The following ZBTB40 variants were observed in gnomAD, a reference collection of about 807,000 sequenced individuals.
The protein encoded by ZBTB40 is zinc finger and BTB domain containing 40.
Under a neutral mutation model 117.5 loss-of-function variants are expected in ZBTB40, and 60 were observed. The observed-to-expected ratio is 0.51, with a 90% CI of 0.41 to 0.63. The LOEUF is 0.63. ZBTB40 is among the 30% of genes least tolerant of loss of function. The pLI, the probability that ZBTB40 is intolerant of heterozygous loss-of-function variation, is 0.00. For missense variants in ZBTB40, 1,287 were observed against 1,498.5 expected (o/e 0.86, Z 2.33); for synonymous variants, 525 against 577.1 (o/e 0.91, Z 1.29).
Position 22,477,660 on chromosome 1 carries a change from AAAAG to A in ZBTB40, c.-69-12216_-69-12213del, listed in dbSNP as rs1363338768. ...CGAGACTCTGTCTCAAAAAAAAAAAAAAAGAAAAGAAAAGAAAGAAAGCTAATTA... is the reference window on the plus strand; with the variant it reads ...CGAGACTCTGTCTCAAAAAAAAAAAAAAAAGAAAAGAAAGAAAGCTAATTA... On this transcript the variant is annotated intron_variant, in intron 1 of 17. Coordinates refer to ENST00000375647, the MANE Select transcript of ZBTB40 (RefSeq NM_014870.4). 3.0e-4 allele frequency among the ~76,000 whole-genome samples: 46 copies of A among 151,986 alleles called. 1 individual carries two copies. Among genetic ancestry groups the A allele is most frequent in the East Asian group, 2.7e-3 (14 of 5,174 alleles).
Position 22,490,383 on chromosome 1 carries a change from A to T in ZBTB40, c.435A>T (p.Gln145His). ...TCAGAAAGGAACCAGAGAAGCCTCAAGTAGAAATCCTTTCATCTGAAGGTG... is the reference window on the plus strand; with the variant it reads ...TCAGAAAGGAACCAGAGAAGCCTCATGTAGAAATCCTTTCATCTGAAGGTG... ...ETFRKEPEKP[Q>H]VEILSSEGAG... Residue 145 changes from glutamine to histidine, a missense_variant, in exon 2 of 18, where the codon CAA becomes CAT. This residue lies in a region of ZBTB40 where 870 missense variants were observed against 934.4 expected (regional missense o/e 0.93). Transcript: ENST00000375647. 1 of 1,613,884 alleles carries T rather than the reference A, an allele frequency of 6.2e-7. No individual in the cohort carries two copies. The highest frequency in any genetic ancestry group is 8.5e-7 in the Non-Finnish European group (1 of 1,179,824).
At chr1:22,462,822 A>C (rs1006670943) in intron 1 of ZBTB40, among the ~76,000 whole-genome samples, 1 of 152,230 alleles carries the variant, frequency 6.6e-6, no homozygotes, top group African/African-American at 2.4e-5. Context: ...GTCCAGCTGT[A>C]TGAAATGAGC....
intron 1 of ZBTB40, among the ~76,000 whole-genome samples, chr1:22,437,581 G>T (rs1433519767): frequency 6.6e-6 from 1 of 151,474 alleles, no homozygotes; most frequent in Non-Finnish European, 1.5e-5. Flanking sequence ...CACTACACCC[G>T]GCTAATTTTT....
At chr1:22,443,055 C>CT (rs1349548499) in intron 1 of ZBTB40, among the ~76,000 whole-genome samples, 1 of 152,164 alleles carries the variant, frequency 6.6e-6, no homozygotes, top group African/African-American at 2.4e-5. Context: ...TCTCCTGATG[C>CT]TTCCAACAGG....
At chr1:22,477,014 C>T (rs562418215) in intron 1 of ZBTB40, among the ~76,000 whole-genome samples, 2 of 152,120 alleles carry the variant, frequency 1.3e-5, no homozygotes, top group African/African-American at 2.4e-5. Flanking sequence ...GAAAGTTAGG[C>T]AGAAACAGTA....
intron 1 of ZBTB40, among the ~76,000 whole-genome samples, chr1:22,429,804 CCAA>C (rs1372968846): frequency 2.0e-5 from 3 of 152,226 alleles, no homozygotes; most frequent in Admixed American, 2.0e-4. Context: ...ACCAGTCTGA[CCAA>C]CATGGTGAAG....
chr1:22,489,638 CGTT>C lies in ZBTB40; in HGVS notation c.-69-239_-69-237del, dbSNP rs200837965. Among the ~76,000 whole-genome samples, 1,023 of 152,220 alleles carry C rather than the reference CGTT, an allele frequency of 6.7e-3. 5 individuals carry two copies. Among genetic ancestry groups the C allele is most frequent in the Admixed American group, 0.011 (164 of 15,294 alleles). ...GGAAATAATATCTTTTCCACTGAAT[CGTT>C]GTGAGAATCAAATGAGACCGTCCAT... On this transcript the variant is annotated intron_variant, in intron 1 of 17. Transcript: ENST00000375647.
intron 1 of ZBTB40, among the ~76,000 whole-genome samples, chr1:22,437,568 C>T (rs1238330373): frequency 1.3e-5 from 2 of 151,746 alleles, no homozygotes; most frequent in African/African-American, 4.8e-5. Flanking sequence ...TACAGGCACG[C>T]ACCACTACAC....
chr1:22,480,385 C>G (rs1409571356), intron 1 of ZBTB40, among the ~76,000 whole-genome samples: 1 of 152,098 alleles, frequency 6.6e-6, no homozygotes, highest in South Asian at 2.1e-4. Flanking sequence ...GAAGTCTTTG[C>G]CTTCTGTTTC....
At chr1:22,519,347 G>T (rs899852784) in intron 13 of ZBTB40, among the ~76,000 whole-genome samples, 1 of 152,226 alleles carries the variant, frequency 6.6e-6, no homozygotes, top group African/African-American at 2.4e-5. Context: ...AATCAAGCAT[G>T]TAGCTCTCAG....
intron 2 of ZBTB40, 133 bp downstream of exon 2, chr1:22,490,778 C>G: frequency 1.0e-6 from 1 of 977,352 alleles, no homozygotes; most frequent in Non-Finnish European, 1.5e-6. Context: ...CGTACTGGGC[C>G]ATTCTTTTAA....
chr1:22,476,628 T>C (rs1641554740), intron 1 of ZBTB40, among the ~76,000 whole-genome samples: 2 of 152,262 alleles, frequency 1.3e-5, no homozygotes, highest in African/African-American at 4.8e-5. Flanking sequence ...TTGTGTTGAA[T>C]TCCCATTTGT....
rs747775517 is a variant in ZBTB40, at chr1:22,513,167, T to G, written c.2668+37T>G. 6.2e-7 allele frequency: 1 copy of G among 1,601,550 alleles called. No individual in the cohort carries two copies. Among genetic ancestry groups the G allele is most frequent in the Admixed American group, 1.7e-5 (1 of 58,220 alleles). On this transcript the variant is annotated intron_variant, in intron 12 of 17. Transcript: ENST00000375647. This position sits in a 1 kb window ranked among gnomAD's most constrained non-coding sequence, Gnocchi z 4.9. ...CACAGTTCATTTCTCCTGCAGACTT[T>G]CACTGCGAACTGCCTAAACCCCATT...
Position 22,491,468 on chromosome 1 carries a change from A to G in ZBTB40, c.766A>G (p.Met256Val), listed in dbSNP as rs151330286. 2.2e-5 allele frequency: 35 copies of G among 1,614,046 alleles called. No individual in the cohort carries two copies. In the African/African-American group the frequency reaches 4.0e-4, roughly 18 times the overall value. Residue 256 changes from methionine (M) to valine (V), a missense_variant, in exon 3 of 18, where the codon ATG becomes GTG. Coordinates refer to ENST00000375647, the MANE Select transcript of ZBTB40 (RefSeq NM_014870.4). Reference sequence around the variant, plus strand: ...TGAAGGTGTCTTCTCAGATGCACTCATGGTTACCCAGGATGTTTTAAAAAA... The same window carrying G: ...TGAAGGTGTCTTCTCAGATGCACTCGTGGTTACCCAGGATGTTTTAAAAAA... ...ENEGVFSDALMVTQDVLKKLE... is the reference protein window; with the variant it reads ...ENEGVFSDALVVTQDVLKKLE...
intron 1 of ZBTB40, among the ~76,000 whole-genome samples, chr1:22,477,418 A>G (rs1250616941): frequency 6.6e-6 from 1 of 152,186 alleles, no homozygotes; most frequent in African/African-American, 2.4e-5. Context: ...TGGGAGGCCA[A>G]GGTGGGCAGA....
intron 10 of ZBTB40, 89 bp from the exon 11 acceptor site, chr1:22,511,587 T>C: frequency 1.4e-6 from 2 of 1,418,230 alleles, no homozygotes; most frequent in South Asian, 2.6e-5. Context: ...AAGTAGTCTC[T>C]AGTCTCCTGT....
Position 22,526,863 on chromosome 1 carries a change from C to T in ZBTB40, c.*467C>T. ...CTGGCCATTTAAAGTGAGAGGGGCACCAACAGACAATTCGGGGACCTTAGG... is the reference window on the plus strand; with the variant it reads ...CTGGCCATTTAAAGTGAGAGGGGCATCAACAGACAATTCGGGGACCTTAGG... On this transcript the variant is annotated 3_prime_UTR_variant, in exon 18 of 18. Transcript: ENST00000375647. 1 of 277,934 alleles carries T rather than the reference C, an allele frequency of 3.6e-6. No homozygotes were observed. The highest frequency in any genetic ancestry group is 3.8e-5 in the South Asian group (1 of 26,330). 17.2% of individuals were successfully genotyped at this position (277,934 alleles called of 1,614,324 possible). A position where few individuals can be genotyped will look rare whatever the true frequency, so the allele number is the denominator to read the frequency against.
chr1:22,478,485 G>T (rs1164633110), intron 1 of ZBTB40, among the ~76,000 whole-genome samples: 1 of 152,120 alleles, frequency 6.6e-6, no homozygotes, highest in Admixed American at 6.5e-5. Flanking sequence ...CTGACCTCGT[G>T]ATCTGCCCAC....
chr1:22,489,998 T>G lies in ZBTB40; in HGVS notation c.50T>G (p.Leu17Arg). Residue 17 changes from leucine to arginine, a missense_variant, in exon 2 of 18, where the codon CTG becomes CGG. Physicochemically the swap from Leu to Arg is moderately radical, Grantham distance 102. Coordinates refer to ENST00000375647, the MANE Select transcript of ZBTB40 (RefSeq NM_014870.4). The stretch of plus-strand genomic sequence containing the variant: ...CAGCTGCTGCAGCAGCTGTACACTC[T>G]GTGCAAGGAGCAGCAGTTCTGTGAT... ...SRQLLQQLYT[L>R]CKEQQFCDCT... 6.2e-7 allele frequency: 1 copy of G among 1,613,540 alleles called. No individual in the cohort carries two copies. The highest frequency in any genetic ancestry group is 1.1e-5 in the South Asian group (1 of 91,054).
Sources: allele counts gnomAD v4.1 joint callset (sites outside exome capture counted in the v4.1 genomes callset), GRCh38; gene constraint gnomAD v4.1.1; regional missense constraint gnomAD v4.1.1; non-coding constraint Gnocchi (gnomAD v3.1); transcripts MANE v1.5; gene names NCBI Gene and HGNC (gene_info 2026-07-23, HGNC 2026-07-21).